HEATR4: variants seen among roughly 807,000 people sequenced by gnomAD.
HEATR4 encodes the protein HEAT repeat-containing protein 4.
HEATR4 carries 95 observed loss-of-function variants against 108.8 expected under a neutral mutation model. The ratio of observed to expected loss-of-function variants is 0.87; its 90% CI spans 0.74 to 1.04. The LOEUF (loss-of-function observed/expected upper bound fraction) is 1.04. Among genes scored for constraint, HEATR4 ranks in the 50% least tolerant of loss-of-function variants. The pLI, the probability that HEATR4 is intolerant of heterozygous loss-of-function variation, is 0.00. For missense variants in HEATR4, 1,152 were observed against 1,253.8 expected (o/e 0.92, Z 1.23); for synonymous variants, 443 against 459.4 (o/e 0.96, Z 0.46).
chr14:73,550,796 G>A (rs1273692065), intron 1 of HEATR4, among the ~76,000 whole-genome samples: 1 of 115,724 alleles, frequency 8.6e-6, no homozygotes, highest in Non-Finnish European at 1.9e-5. Context: ...GAACCGAGGT[G>A]TCACATCAGC....
chr14:73,560,619 G>A (rs1483134306), upstream of HEATR4, among the ~76,000 whole-genome samples: 5 of 147,912 alleles, frequency 3.4e-5, no homozygotes, highest in Non-Finnish European at 7.4e-5. Context: ...CCGAGATTGG[G>A]CCACTGCACT....
the HEATR4 span, among the ~76,000 whole-genome samples, chr14:73,618,599 G>A: frequency 7.1e-6 from 1 of 141,600 alleles, no homozygotes; most frequent in East Asian, 2.1e-4. Flanking sequence ...GAATTGTTAT[G>A]GTGGTATATT....
the HEATR4 span, among the ~76,000 whole-genome samples, chr14:73,576,793 C>CA: frequency 5.7e-3 from 69 of 12,092 alleles, 5 homozygotes; most frequent in South Asian, 0.072. Flanking sequence ...GACACAGTCT[C>CA]AAAAAAAAAA....
the HEATR4 span, among the ~76,000 whole-genome samples, chr14:73,616,316 T>A: frequency 9.8e-4 from 148 of 150,568 alleles, no homozygotes; most frequent in African/African-American, 3.0e-3. Flanking sequence ...GAAAATAATA[T>A]TATTATTATT....
chr14:73,517,391 C>T (rs1486473680), intron 5 of HEATR4: 1 of 152,058 alleles, frequency 6.6e-6, no homozygotes, highest in African/African-American at 2.4e-5. Context: ...GAAAAAGAAT[C>T]CTCTGGCTGG....
chr14:73,592,819 C>G, the HEATR4 span, among the ~76,000 whole-genome samples: 2 of 152,162 alleles, frequency 1.3e-5, no homozygotes, highest in Admixed American at 6.5e-5. Flanking sequence ...CACCACTGCA[C>G]TCCAGCCTGG....
intron 9 of HEATR4, among the ~76,000 whole-genome samples, chr14:73,506,804 G>GTTTTTTTTTTTTTTGTTTTTTTTT (rs1268314395): frequency 7.5e-5 from 6 of 80,522 alleles, no homozygotes; most frequent in African/African-American, 2.9e-4. Flanking sequence ...GACTTTAACT[G>GTTTTTTTTTTTTTTGTTTTTTTTT]TTTTTTTTTT....
the HEATR4 span, chr14:73,619,732 G>A: frequency 6.2e-7 from 1 of 1,614,120 alleles, no homozygotes; most frequent in East Asian, 2.2e-5. Context: ...CTATGGAGGT[G>A]AGCCAAAGGC....
chr14:73,491,813 C>T (rs747701951), intron 17 of HEATR4: 25 of 1,602,130 alleles, frequency 1.6e-5, no homozygotes, highest in Non-Finnish European at 2.0e-5. Context: ...GGACGCCGCT[C>T]GCTACATCAA....
the HEATR4 span, among the ~76,000 whole-genome samples, chr14:73,606,249 G>A: frequency 4.6e-5 from 7 of 152,014 alleles, no homozygotes; most frequent in Non-Finnish European, 1.0e-4. Flanking sequence ...CCAGCTACTC[G>A]GGAGGCTGAG....
chr14:73,506,169 G>A (rs1016155676), intron 10 of HEATR4, among the ~76,000 whole-genome samples: 1 of 152,282 alleles, frequency 6.6e-6, no homozygotes, highest in East Asian at 1.9e-4. Flanking sequence ...GATTACAGAT[G>A]TGAGCCACCG....
chr14:73,513,999 C>T (rs1280121778), intron 6 of HEATR4, 32 bp downstream of exon 6: 10 of 1,601,556 alleles, frequency 6.2e-6, no homozygotes, highest in African/African-American at 2.7e-5. Flanking sequence ...TTCTCACAAA[C>T]GTACAGTATC....
At chr14:73,502,026 T>C (rs1886501634) in intron 11 of HEATR4, among the ~76,000 whole-genome samples, 1 of 150,294 alleles carries the variant, frequency 6.7e-6, no homozygotes, top group Non-Finnish European at 1.5e-5. Flanking sequence ...ATTACAGGAG[T>C]GAGCCACTGC....
Position 73,522,892 on chromosome 14 carries a change from A to G in HEATR4, c.261T>C (p.Pro87=). 6.2e-7 allele frequency: 1 copy of G among 1,614,172 alleles called. No individual in the cohort carries two copies. The highest frequency in any genetic ancestry group is 8.5e-7 in the Non-Finnish European group (1 of 1,180,034). ...GGTGGTCAAAGCTGTACTGGCTATAAGGAATGCTGGGCAGGCCTCGCTGCC... is the reference window on the plus strand; with the variant it reads ...GGTGGTCAAAGCTGTACTGGCTATAGGGAATGCTGGGCAGGCCTCGCTGCC... The part of the protein sequence containing the change: ...VVWQRGLPSI[P]YSQYSFDHLY... Residue 87 remains proline (P), a synonymous_variant, in exon 3 of 18, where the codon CCT becomes CCC. Transcript: ENST00000553558.
chr14:73,495,037 A>G (rs1222232174), intron 16 of HEATR4, among the ~76,000 whole-genome samples, 191 bp downstream of exon 16: 2 of 141,078 alleles, frequency 1.4e-5, no homozygotes, highest in Non-Finnish European at 3.1e-5. Context: ...AAATAAATGA[A>G]TAAAAACCCG....
chr14:73,619,087 A>C, the HEATR4 span: 1 of 1,002,564 alleles, frequency 1.0e-6, no homozygotes, highest in Non-Finnish European at 1.4e-6. Context: ...CCAAGATTGC[A>C]CCACTGCACT....
the HEATR4 span, among the ~76,000 whole-genome samples, chr14:73,628,303 T>A: frequency 0.056 from 8,530 of 152,308 alleles, 506 homozygotes; most frequent in African/African-American, 0.15. Flanking sequence ...CATAGTCATT[T>A]TTTTTAATTT....
chr14:73,488,841 G>T (rs1885551972), intron 17 of HEATR4, among the ~76,000 whole-genome samples: 1 of 151,964 alleles, frequency 6.6e-6, no homozygotes, highest in Non-Finnish European at 1.5e-5. Context: ...TGACCAACAT[G>T]GTGAAACCCT....
At chr14:73,613,037 T>C in the HEATR4 span, 1 of 786,936 alleles carries the variant, frequency 1.3e-6, no homozygotes, top group Non-Finnish European at 1.9e-6. Flanking sequence ...GGATGAGTAG[T>C]CTGCCCAGAA....
Sources: gnomAD v4.1 joint callset for allele counts (sites outside exome capture counted in the v4.1 genomes callset) on GRCh38, gnomAD v4.1.1 for gene constraint, MANE v1.5 for transcripts, NCBI Gene and HGNC (gene_info 2026-07-23, HGNC 2026-07-21) for gene names.